The following ZNF234 variants were observed in gnomAD, a reference collection of about 807,000 sequenced individuals.
ZNF234 encodes zinc finger protein 234, also known as C2-H2 type zinc finger protein.
A neutral mutation model predicts 10.3 loss-of-function variants in ZNF234; 4 were observed. That is an observed-to-expected ratio of 0.39 (90% CI 0.19 to 0.89). The LOEUF (loss-of-function observed/expected upper bound fraction) is 0.89, where lower values mean the gene tolerates loss of function less well. Ranked by LOEUF, ZNF234 falls within the 40% of genes least tolerant of loss-of-function variation. The pLI is 0.38. For missense variants in ZNF234, 711 were observed against 836.1 expected, an observed-to-expected ratio of 0.85 and a Z score of 1.85; for synonymous variants, 258 against 280.1, an observed-to-expected ratio of 0.92 and a Z score of 0.79.
chr19:44,144,398 T>C (rs1968541664), intron 2 of ZNF234, among the ~76,000 whole-genome samples, 159 bp from the exon 3 acceptor site: 1 of 152,198 alleles, frequency 6.6e-6, no homozygotes. Context: ...AGGATTTGTC[T>C]ATCCATTTTT....
chr19:44,157,666 T>A lies in ZNF234; in HGVS notation c.1650T>A (p.Ser550Arg). 1 of 1,613,656 alleles carries A rather than the reference T, an allele frequency of 6.2e-7. No individual in the cohort carries two copies. Among genetic ancestry groups the A allele is most frequent in the African/African-American group, 1.3e-5 (1 of 74,836 alleles). ...GTGAAGAGTGTGGGAAGAGCTTCAG[T>A]CGGAGTGCACACCTTCAAGCCCATC... The part of the protein sequence containing the change: ...FKCEECGKSF[S>R]RSAHLQAHQK... Residue 550 changes from serine (S) to arginine (R), a missense_variant, in exon 6 of 6, where the codon AGT becomes AGA. Coordinates refer to ENST00000426739, the MANE Select transcript of ZNF234 (RefSeq NM_006630.3).
In ZNF234 at chr19:44,156,351, T is replaced by A. The variant is rs765561342; in HGVS notation, c.335T>A (p.Ile112Asn). ...QIWKQIASDL[I>N]KYEDSMISIS... ...TGGAAACAGATTGCAAGTGATTTAA[T>A]CAAGTATGAAGACTCTATGATAAGT... The change falls in exon 6 of 6, where the codon ATC (isoleucine) becomes AAC (asparagine). Residue 112 changes from isoleucine to asparagine, a missense_variant. Coordinates refer to ENST00000426739, the MANE Select transcript of ZNF234 (RefSeq NM_006630.3). The A allele has an allele frequency of 3.7e-6, 6 of 1,611,174 alleles. No individual in the cohort carries two copies. Among genetic ancestry groups the A allele is most frequent in the African/African-American group, 1.3e-5 (1 of 74,832 alleles).
rs1968669180 is a variant in ZNF234 at position 44,148,972 on chromosome 19, T to C, written c.142+75T>C. On this transcript the variant is annotated intron_variant, in intron 4 of 5. Transcript: ENST00000426739. ...TTGTGTCTTCAGGGGTTCAACACTT[T>C]GGAGGTCTTGAATTAGTCGCCTACA... 1.5e-5 allele frequency: 23 copies of C among 1,514,458 alleles called. No individual in the cohort carries two copies. The South Asian group carries it at 3.0e-4, about 20-fold the overall frequency. 93.8% of individuals were successfully genotyped at this position (1,514,458 alleles called of 1,614,324 possible).
intron 5 of ZNF234, among the ~76,000 whole-genome samples, chr19:44,152,519 G>A (rs960542876): frequency 6.6e-6 from 1 of 152,168 alleles, no homozygotes; most frequent in Non-Finnish European, 1.5e-5. Context: ...ATGTTTGTGT[G>A]TGCACTTGAA....
chr19:44,154,725 T>C (rs1968838586), intron 5 of ZNF234, among the ~76,000 whole-genome samples: 1 of 150,634 alleles, frequency 6.6e-6, no homozygotes, highest in African/African-American at 2.4e-5. Context: ...TTCTAACTCC[T>C]GAGTTCAAGC....
intron 5 of ZNF234, among the ~76,000 whole-genome samples, chr19:44,151,150 TCTC>T (rs1469801160): frequency 1.3e-5 from 2 of 152,162 alleles, no homozygotes; most frequent in East Asian, 3.9e-4. Flanking sequence ...TCTGACTACA[TCTC>T]CTGTATTCTA....
intron 4 of ZNF234, among the ~76,000 whole-genome samples, chr19:44,149,506 T>C (rs1968685621): frequency 6.6e-6 from 1 of 152,194 alleles, no homozygotes; most frequent in African/African-American, 2.4e-5. Context: ...GTAACAGTTT[T>C]TCTGTTGTTT....
In ZNF234 at chr19:44,159,712, T is replaced by A; in HGVS notation, c.*1593T>A. 2.4e-6 allele frequency: 1 copy of A among 419,552 alleles called. No homozygotes were observed. Among genetic ancestry groups the A allele is most frequent in the Admixed American group, 2.4e-5 (1 of 41,774 alleles). 26.0% of individuals were successfully genotyped at this position (419,552 alleles called of 1,614,324 possible). ...ATTTCCATCCAGACTTTGACATGATTGCCGTCTAATAACTGTAGCATTCTC... is the reference window on the plus strand; with the variant it reads ...ATTTCCATCCAGACTTTGACATGATAGCCGTCTAATAACTGTAGCATTCTC... On this transcript the variant is annotated 3_prime_UTR_variant, in exon 6 of 6. Coordinates refer to ENST00000426739, the MANE Select transcript of ZNF234 (RefSeq NM_006630.3).
chr19:44,157,706 G>A lies in ZNF234; in HGVS notation c.1690G>A (p.Gly564Arg), dbSNP rs1210984003. The A allele has an allele frequency of 1.2e-6, 2 of 1,613,992 alleles. No individual in the cohort carries two copies. The highest frequency in any genetic ancestry group is 1.3e-5 in the African/African-American group (1 of 74,878). ...HLQAHQKVHT[G>R]EKPYKCGECG... ...TCAAGCCCATCAAAAAGTCCACACT[G>A]GAGAAAAGCCATACAAATGTGGGGA... Residue 564 changes from glycine to arginine, a missense_variant, in exon 6 of 6, where the codon GGA (glycine) becomes AGA (arginine). Physicochemically the swap from Gly to Arg is moderately radical, Grantham distance 125 (BLOSUM62 -2). Transcript: ENST00000426739.
rs1568553930 is a variant in ZNF234 at position 44,156,826 on chromosome 19, ACATGCTTCC to A, written c.814_822del (p.Ala272_His274del). 1 of 1,609,532 alleles carries A rather than the reference ACATGCTTCC, an allele frequency of 6.2e-7. No homozygotes were observed. The highest frequency in any genetic ancestry group is 1.1e-5 in the South Asian group (1 of 90,736). ...GTGAGGAATGTGGAAGGGCCTTCAT[ACATGCTTCC>A]CATCTTCAGGAACATCAGAGAATTC... On this transcript the variant is annotated inframe_deletion, in exon 6 of 6. Transcript: ENST00000426739.
Position 44,158,911 on chromosome 19 carries a change from T to C in ZNF234, c.*792T>C, listed in dbSNP as rs184296051. On this transcript the variant is annotated 3_prime_UTR_variant, in exon 6 of 6. Transcript: ENST00000426739. Reference sequence around the variant, plus strand: ...GCTTGTAGGTGTGCTCAATACTTGTTTGTTAACTGAATCAAAAGGAGTAAA... The same window carrying C: ...GCTTGTAGGTGTGCTCAATACTTGTCTGTTAACTGAATCAAAAGGAGTAAA... The C allele has an allele frequency of 1.3e-4, 20 of 152,394 alleles. No homozygotes were observed. The highest frequency in any genetic ancestry group is 4.6e-4 in the African/African-American group (19 of 41,588). The allele number at this position is 152,394 out of a possible 1,614,324, so 9.4% of individuals were successfully genotyped here.
rs61730386 is a variant in ZNF234 at position 44,157,003 on chromosome 19, A to G, written c.987A>G (p.Ser329=). Residue 329 remains serine, a synonymous_variant, in exon 6 of 6, where the codon TCA becomes TCG. Transcript: ENST00000426739. ...EDCGKCFTCS[S]NLRIHQRVHT... ...GTGGTAAGTGTTTCACTTGTAGCTC[A>G]AACCTTCGTATCCATCAAAGGGTCC... 5.9e-3 allele frequency: 9,453 copies of G among 1,614,086 alleles called. 491 individuals are homozygous for G. The African/African-American group carries it at 0.11, about 19-fold the overall frequency.
intron 5 of ZNF234, among the ~76,000 whole-genome samples, chr19:44,154,249 A>G (rs559433155): frequency 6.6e-6 from 1 of 151,794 alleles, no homozygotes; most frequent in Non-Finnish European, 1.5e-5. Flanking sequence ...ACACTGTGAC[A>G]TCTTTTTCTT....
chr19:44,150,103 G>T (rs537460770), intron 4 of ZNF234: 24 of 171,218 alleles, frequency 1.4e-4, no homozygotes, highest in African/African-American at 5.7e-4. Context: ...TTTTTTTCCA[G>T]GCTGCTTTTT....
chr19:44,144,768 C>G, intron 3 of ZNF234, 121 bp downstream of exon 3: 2 of 837,342 alleles, frequency 2.4e-6, no homozygotes, highest in South Asian at 8.7e-5. Context: ...ATCCTTCTGC[C>G]TTTTGAGTTG....
chr19:44,145,296 G>A (rs145640600), intron 3 of ZNF234, among the ~76,000 whole-genome samples: 2 of 152,052 alleles, frequency 1.3e-5, no homozygotes, highest in East Asian at 3.9e-4. Context: ...TTGAGGTTAT[G>A]CCATATACCC....
At chr19:44,151,052 GA>G (rs1968733472) in intron 5 of ZNF234, among the ~76,000 whole-genome samples, 2 of 151,222 alleles carry the variant, frequency 1.3e-5, no homozygotes, top group Middle Eastern at 3.4e-3. Context: ...AAAATACTCT[GA>G]ATGGCTTCTT....
chr19:44,143,216 A>G (rs1968507637), intron 2 of ZNF234, among the ~76,000 whole-genome samples: 1 of 149,406 alleles, frequency 6.7e-6, no homozygotes, highest in African/African-American at 2.5e-5. Flanking sequence ...GAACTGAGGC[A>G]CTCAGGGTCA....
At chr19:44,145,517 C>T (rs1017187840) in intron 3 of ZNF234, among the ~76,000 whole-genome samples, 1 of 152,174 alleles carries the variant, frequency 6.6e-6, no homozygotes, top group Non-Finnish European at 1.5e-5. Context: ...CTCAGCCTCC[C>T]GAGAAGCTGG....
Sources: gnomAD v4.1 joint callset for allele counts (sites outside exome capture counted in the v4.1 genomes callset) on GRCh38, gnomAD v4.1.1 for gene constraint, MANE v1.5 for transcripts, NCBI Gene and HGNC (gene_info 2026-07-23, HGNC 2026-07-21) for gene names.